PPL: variants seen among roughly 807,000 people sequenced by gnomAD.
The protein encoded by PPL is periplakin, also known as 190 kDa paraneoplastic pemphigus antigen.
PPL carries 198 observed loss-of-function variants against 194.4 expected under a neutral mutation model. That is an observed-to-expected ratio of 1.02 (90% CI 0.91 to 1.15). PPL has a LOEUF of 1.15. PPL is among the 50% of genes most tolerant of loss of function. The pLI is 0.00. For synonymous variants in PPL, 1,220 were observed against 972.4 expected, an observed-to-expected ratio of 1.25 and a Z score of -4.74; for missense variants, 2,885 against 2,294.8, an observed-to-expected ratio of 1.26 and a Z score of -5.25.
Position 4,893,612 on chromosome 16 carries a change from C to T in PPL, c.1421G>A (p.Arg474Gln), listed in dbSNP as rs754969212. The T allele has an allele frequency of 1.1e-5, 18 of 1,604,792 alleles. No homozygotes were observed. Among genetic ancestry groups the T allele is most frequent in the Admixed American group, 1.7e-5 (1 of 59,428 alleles). ...DSLGSQYRSV[R>Q]QKAAGSKRTL... Reference sequence around the variant, plus strand: ...GCGTTTGCTCCCAGCTGCCTTCTGCCGCACGCTCCGGTACTGGCTGCCCAG... The same window carrying T: ...GCGTTTGCTCCCAGCTGCCTTCTGCTGCACGCTCCGGTACTGGCTGCCCAG... The change falls in exon 13 of 22, where the codon CGG becomes CAG. Residue 474 changes from arginine (R) to glutamine (Q), a missense_variant. Arg to Gln is a conservative substitution (Grantham distance 43, BLOSUM62 1). Coordinates refer to ENST00000345988, the MANE Select transcript of PPL (RefSeq NM_002705.5).
chr16:4,908,445 T>TCTCTCTCA (rs138719548), intron 2 of PPL, among the ~76,000 whole-genome samples: 23 of 151,376 alleles, frequency 1.5e-4, no homozygotes, highest in East Asian at 5.8e-4. Flanking sequence ...TCTCTCTCTC[T>TCTCTCTCA]CACACACATA....
intron 21 of PPL, among the ~76,000 whole-genome samples, chr16:4,886,746 G>C (rs541818022): frequency 2.6e-4 from 39 of 152,186 alleles, no homozygotes; most frequent in Non-Finnish European, 5.3e-4. Context: ...AGTCTCCTGA[G>C]TAGCTGGGAT....
Position 4,906,968 on chromosome 16 carries a change from G to T in PPL, c.163-2928C>A, listed in dbSNP as rs187674363. ...AAGTTTTTTAAAGTCACAGGGGCCA[G>T]GTGCAGTGGCTCACGCCTATAATCC... On this transcript the variant is annotated intron_variant, in intron 2 of 21. Transcript: ENST00000345988. 1.6e-3 allele frequency among the ~76,000 whole-genome samples: 237 copies of T among 152,004 alleles called. 2 individuals are homozygous for T. Among genetic ancestry groups the T allele is most frequent in the African/African-American group, 5.2e-3 (215 of 41,486 alleles).
intron 1 of PPL, among the ~76,000 whole-genome samples, chr16:4,932,663 C>T (rs889714992): frequency 1.3e-5 from 2 of 152,150 alleles, no homozygotes; most frequent in Non-Finnish European, 2.9e-5. Context: ...AGTGATCCGT[C>T]CGCCTTACCC....
chr16:4,890,695 A>G (rs1178822301), intron 17 of PPL, 33 bp downstream of exon 17: 1 of 1,567,698 alleles, frequency 6.4e-7, no homozygotes, highest in Non-Finnish European at 8.6e-7. Context: ...ATTCTCAGAA[A>G]ACAAAAATGG....
At chr16:4,910,552 G>A (rs978849397) in intron 2 of PPL, among the ~76,000 whole-genome samples, 6 of 152,094 alleles carry the variant, frequency 3.9e-5, no homozygotes, top group African/African-American at 7.2e-5. Context: ...CTTAGTATCC[G>A]GGAGGTACTA....
chr16:4,889,238 GTTGTTTTTTTTTTTTTT>G lies in PPL; in HGVS notation c.2314-194_2314-178del, dbSNP rs2088272962. On this transcript the variant is annotated intron_variant, in intron 18 of 21. Transcript: ENST00000345988. ...TGCAAAAGGCAGTTTTTTTGTTGTT[GTTGTTTTTTTTTTTTTT>G]TTTTTTTTTTTTTTTTTTTGAGACA... Among the ~76,000 whole-genome samples, 19 of 21,812 alleles carry G rather than the reference GTTGTTTTTTTTTTTTTT, an allele frequency of 8.7e-4. 1 individual carries two copies. Among genetic ancestry groups the G allele is most frequent in the Middle Eastern group, 0.05 (1 of 20 alleles). 14.3% of individuals were successfully genotyped at this position (21,812 alleles called of 152,430 possible). A position where few individuals can be genotyped will look rare whatever the true frequency, so the allele number is the denominator to read the frequency against.
In PPL at chr16:4,888,219, C is replaced by T; in HGVS notation, c.2398-1G>A. 1 of 1,581,218 alleles carries T rather than the reference C, an allele frequency of 6.3e-7. No individual in the cohort carries two copies. The highest frequency in any genetic ancestry group is 2.2e-5 in the East Asian group (1 of 44,692). ...GTTTTTCTGCTTCTAACTCATAGTC[C>T]TGCATGAGGGAGAGACATGGCAGAG... On this transcript the variant is annotated splice_acceptor_variant, in intron 19 of 21. Transcript: ENST00000345988. LOFTEE classifies it high-confidence loss of function.
At chr16:4,892,289 A>C in intron 14 of PPL, 76 bp from the exon 15 acceptor site, 1 of 1,459,088 alleles carries the variant, frequency 6.9e-7, no homozygotes, top group East Asian at 2.3e-5. Context: ...CAGGGTGAGC[A>C]CAGATTCCCA....
intron 1 of PPL, among the ~76,000 whole-genome samples, chr16:4,930,648 G>A (rs2089214829): frequency 1.3e-5 from 2 of 152,140 alleles, no homozygotes; most frequent in African/African-American, 4.8e-5. Context: ...GAGCTACCAA[G>A]GAGAAGGGGA....
At chr16:4,912,782 C>G (rs1419596826) in intron 1 of PPL, among the ~76,000 whole-genome samples, 1 of 152,144 alleles carries the variant, frequency 6.6e-6, no homozygotes, top group Non-Finnish European at 1.5e-5. Flanking sequence ...CAGGCCCAGC[C>G]TTTCTCCTGA....
chr16:4,934,910 C>T (rs1161324387), intron 1 of PPL, among the ~76,000 whole-genome samples: 3 of 152,170 alleles, frequency 2.0e-5, no homozygotes, highest in Non-Finnish European at 4.4e-5. Context: ...GCTTGGAGAC[C>T]ACCCGGGGAG....
rs1452695998 is a variant in PPL at position 4,895,255 on chromosome 16, A to T, written c.1242+6T>A. On this transcript the variant is annotated splice_donor_region_variant and intron_variant, in intron 11 of 21. Transcript: ENST00000345988. ...TGATGTGAACAGAGGAGCTGGCCCC[A>T]CGCACCTGCTCCCCCTCAAAGTCAC... 1.3e-6 allele frequency: 2 copies of T among 1,597,612 alleles called. No homozygotes were observed. The highest frequency in any genetic ancestry group is 1.7e-6 in the Non-Finnish European group (2 of 1,171,436).
rs141546615 is a variant in PPL at position 4,894,616 on chromosome 16, G to A, written c.1245C>T (p.Gly415=). The A allele has an allele frequency of 3.1e-6, 5 of 1,612,484 alleles. No homozygotes were observed. The African/African-American group carries it at 5.3e-5, about 17-fold the overall frequency. The change falls in exon 12 of 22, where the codon GGC becomes GGT. Residue 415 remains glycine, a splice_region_variant and synonymous_variant. Transcript: ENST00000345988. ...EALCDFEGEQ[G]LISRGYSYTL... ...TGTAGCTGTAGCCCCGCGAGATCAG[G>A]CCCTGGCGGGGGCAGGCTGGACAGT...
chr16:4,899,374 T>C lies in PPL; in HGVS notation c.617A>G (p.Gln206Arg). ...CGAACTCAGGTGCTGCTGCCGGGCCTGTGATGCTGCCTGAAGGGGCCGGGG... is the reference window on the plus strand; with the variant it reads ...CGAACTCAGGTGCTGCTGCCGGGCCCGTGATGCTGCCTGAAGGGGCCGGGG... ...AKYQKLLAAS[Q>R]ARQQHLSSLQ... Residue 206 changes from glutamine to arginine, a missense_variant, in exon 7 of 22, where the codon CAG becomes CGG. Transcript: ENST00000345988. The C allele has an allele frequency of 6.2e-7, 1 of 1,607,114 alleles. No homozygotes were observed. The highest frequency in any genetic ancestry group is 8.5e-7 in the Non-Finnish European group (1 of 1,176,452).
rs1426196517 is a variant in PPL at position 4,893,554 on chromosome 16, G to C, written c.1479C>G (p.Thr493=). 3 of 1,612,378 alleles carry C rather than the reference G, an allele frequency of 1.9e-6. No homozygotes were observed. The highest frequency in any genetic ancestry group is 1.3e-5 in the African/African-American group (1 of 74,896). The change falls in exon 13 of 22, where the codon ACC becomes ACG. Residue 493 remains threonine, a synonymous_variant. Coordinates refer to ENST00000345988, the MANE Select transcript of PPL (RefSeq NM_002705.5). Reference sequence around the variant, plus strand: ...CCTGGCACCCACCTCCGGGATTCTCGGTCTTCAGCACCTCATACCGCTGCT... The same window carrying C: ...CCTGGCACCCACCTCCGGGATTCTCCGTCTTCAGCACCTCATACCGCTGCT... ...TLQQRYEVLK[T]ENPGDASDLQ... is the part of the protein sequence containing the mutation.
At chr16:4,890,955 G>A (rs377046363) in intron 16 of PPL, 34 bp from the exon 17 acceptor site, 42 of 1,478,224 alleles carry the variant, frequency 2.8e-5, no homozygotes, top group Non-Finnish European at 3.6e-5. Context: ...GCGGTGCTAC[G>A]GCCAGAGCTC....
chr16:4,889,160 C>G (rs1017829862), intron 18 of PPL, 99 bp from the exon 19 acceptor site: 13 of 919,710 alleles, frequency 1.4e-5, no homozygotes, highest in Non-Finnish European at 2.3e-5. Context: ...TGAATTTATT[C>G]TTCTCTAGCA....
chr16:4,894,754 G>A (rs997871505), intron 11 of PPL, 136 bp from the exon 12 acceptor site: 1 of 974,298 alleles, frequency 1.0e-6, no homozygotes, highest in Non-Finnish European at 1.5e-6. Context: ...AGAGTGGGGA[G>A]GGGCATGCAG....
Sources: gnomAD v4.1 joint callset for allele counts (sites outside exome capture counted in the v4.1 genomes callset) on GRCh38, gnomAD v4.1.1 for gene constraint, MANE v1.5 for transcripts, NCBI Gene and HGNC (gene_info 2026-07-23, HGNC 2026-07-21) for gene names.